The following METTL15 variants were observed in gnomAD, a reference collection of about 807,000 sequenced individuals.
METTL15 encodes the protein methyltransferase 15, mitochondrial 12S rRNA N4-cytidine.
A neutral mutation model predicts 38.3 loss-of-function variants in METTL15; 34 were observed. That is an observed-to-expected ratio of 0.89 (90% CI 0.68 to 1.18). The LOEUF (loss-of-function observed/expected upper bound fraction) is 1.18, where lower values mean the gene tolerates loss of function less well. METTL15 is among the 50% of genes most tolerant of loss of function. METTL15 has a pLI of 0.00. For missense variants in METTL15, 438 were observed against 498.4 expected (o/e 0.88, Z 1.15); for synonymous variants, 162 against 170.9 (o/e 0.95, Z 0.41).
At chr11:28,336,909 G>A (rs1849905815), downstream of METTL15, among the ~76,000 whole-genome samples, 1 of 152,082 alleles carries the variant, frequency 6.6e-6, no homozygotes, top group Middle Eastern at 3.2e-3. Context: ...TCCAGAAGAA[G>A]GCATTGTTAC....
intron 6 of METTL15, among the ~76,000 whole-genome samples, chr11:28,305,733 G>T (rs1441860031): frequency 2.6e-5 from 4 of 152,034 alleles, no homozygotes; most frequent in Non-Finnish European, 5.9e-5. Context: ...GAACAAAAAG[G>T]TATGAGAACC....
chr11:28,498,658 G>C (rs1851556241), intron 6 of METTL15, among the ~76,000 whole-genome samples: 1 of 152,224 alleles, frequency 6.6e-6, no homozygotes, highest in Non-Finnish European at 1.5e-5. Context: ...ATCCCTTTAT[G>C]TAAGCACTGC....
rs548553955 is a variant in METTL15 at position 28,185,027 on chromosome 11, A to G, written c.271-26035A>G. On this transcript the variant is annotated intron_variant, in intron 3 of 6. Transcript: ENST00000407364. ...TACATAATGTGTTGAATGTTAACAT[A>G]TATAAGAAAATGGATATTGCATTTT... is the stretch of plus-strand genomic sequence containing the variant. Among the ~76,000 whole-genome samples the G allele has an allele frequency of 5.2e-4, 79 of 151,530 alleles. 1 individual carries two copies. The highest frequency in any genetic ancestry group is 9.6e-4 in the Non-Finnish European group (65 of 67,676).
intron 3 of METTL15, among the ~76,000 whole-genome samples, chr11:28,164,739 A>G (rs1032210502): frequency 1.3e-5 from 2 of 152,080 alleles, no homozygotes; most frequent in Non-Finnish European, 2.9e-5. Context: ...GTACATGTGT[A>G]CAACGTGCAG....
chr11:28,212,488 T>C (rs1479361056), intron 4 of METTL15, among the ~76,000 whole-genome samples: 2 of 152,136 alleles, frequency 1.3e-5, no homozygotes, highest in Non-Finnish European at 2.9e-5. Flanking sequence ...TAGGCCTCTT[T>C]TATACAGCAG....
At chr11:28,287,563 G>A in intron 4 of METTL15, 1 of 281,564 alleles carries the variant, frequency 3.6e-6, no homozygotes, top group Non-Finnish European at 6.9e-6. Flanking sequence ...AACCTCATTT[G>A]CCTCTCTTTC....
rs960544369 is a variant in METTL15, at chr11:28,351,110, TA to T, written c.*190-972del. Among the ~76,000 whole-genome samples the T allele has an allele frequency of 3.4e-3, 119 of 35,264 alleles. 1 individual carries two copies. The highest frequency in any genetic ancestry group is 0.011 in the South Asian group (8 of 722). The allele number at this position is 35,264 out of a possible 152,430, so 23.1% of individuals were successfully genotyped here. A position where few individuals can be genotyped will look rare whatever the true frequency, so the allele number is the denominator to read the frequency against. ...GATAGACTGCTTAAAGCTATGAATTTAAAAAAAATTTTTTTTTTTTAAGATG... is the reference window on the plus strand; with the variant it reads ...GATAGACTGCTTAAAGCTATGAATTTAAAAAAATTTTTTTTTTTTAAGATG... On this transcript the variant is annotated intron_variant and NMD_transcript_variant, in intron 3 of 7. Transcript: ENST00000532947.
intron 6 of METTL15, among the ~76,000 whole-genome samples, chr11:28,503,230 G>A (rs1851599324): frequency 6.6e-6 from 1 of 152,196 alleles, no homozygotes; most frequent in South Asian, 2.1e-4. Flanking sequence ...TTTGCCCATA[G>A]TAGTCATATG....
intron 5 of METTL15, among the ~76,000 whole-genome samples, chr11:28,290,664 A>G (rs1231954978): frequency 6.6e-6 from 1 of 152,142 alleles, no homozygotes; most frequent in Admixed American, 6.6e-5. Context: ...CTTACACAAT[A>G]TGGGTTTTAG....
At chr11:28,240,057 A>T (rs1446073044) in intron 4 of METTL15, among the ~76,000 whole-genome samples, 1 of 152,174 alleles carries the variant, frequency 6.6e-6, no homozygotes, top group East Asian at 1.9e-4. Flanking sequence ...AAAGGGATCA[A>T]TCAAGCAACA....
At chr11:28,131,063 G>A (rs1852754616) in intron 3 of METTL15, among the ~76,000 whole-genome samples, 2 of 151,988 alleles carry the variant, frequency 1.3e-5, no homozygotes, top group Admixed American at 1.3e-4. Context: ...AGTGCTAGTG[G>A]CATCCTCCCA....
chr11:28,434,355 G>A (rs571387962), intron 6 of METTL15, among the ~76,000 whole-genome samples: 46 of 152,296 alleles, frequency 3.0e-4, no homozygotes, highest in African/African-American at 1.1e-3. Flanking sequence ...CCTAGTCTCA[G>A]TTATGTCTTT....
intron 3 of METTL15, among the ~76,000 whole-genome samples, chr11:28,210,185 A>G (rs182652703): frequency 6.6e-6 from 1 of 151,996 alleles, no homozygotes; most frequent in East Asian, 1.9e-4. Flanking sequence ...TCAATTAACC[A>G]TACTGTATAT....
chr11:28,200,605 A>AT (rs757047648), intron 3 of METTL15, among the ~76,000 whole-genome samples: 21 of 151,482 alleles, frequency 1.4e-4, no homozygotes, highest in Non-Finnish European at 2.5e-4. Context: ...GAGAAGTAAA[A>AT]TTTTTTTTTG....
intron 6 of METTL15, among the ~76,000 whole-genome samples, chr11:28,524,555 T>C (rs1398610410): frequency 6.6e-5 from 10 of 152,248 alleles, no homozygotes. Flanking sequence ...TTTTCTTTGT[T>C]AGAGCATTAG....
intron 5 of METTL15, among the ~76,000 whole-genome samples, chr11:28,368,476 G>A (rs1017329644): frequency 1.3e-5 from 2 of 152,128 alleles, no homozygotes; most frequent in African/African-American, 2.4e-5. Flanking sequence ...CAGTTAGAAT[G>A]GTGATCATTA....
intron 3 of METTL15, among the ~76,000 whole-genome samples, chr11:28,180,916 A>G (rs1320291366): frequency 2.6e-5 from 4 of 151,778 alleles, no homozygotes; most frequent in Admixed American, 2.0e-4. Flanking sequence ...GAGAGTAAAA[A>G]CATGAATAAA....
At chr11:28,377,108 C>A (rs1329562070) in intron 5 of METTL15, among the ~76,000 whole-genome samples, 2 of 142,998 alleles carry the variant, frequency 1.4e-5, no homozygotes, top group Admixed American at 7.6e-5. Context: ...TCCTTCATTT[C>A]AACTTTGGTG....
intron 2 of METTL15, among the ~76,000 whole-genome samples, chr11:28,111,447 G>A (rs1430226667): frequency 6.6e-6 from 1 of 152,126 alleles, no homozygotes; most frequent in African/African-American, 2.4e-5. Context: ...GCAGCATACT[G>A]TTATTTTTAA....
Sources: allele counts gnomAD v4.1 joint callset (sites outside exome capture counted in the v4.1 genomes callset), GRCh38; gene constraint gnomAD v4.1.1; transcripts MANE v1.5; gene names NCBI Gene and HGNC (gene_info 2026-07-23, HGNC 2026-07-21).